The following IL1RAPL2 variants were observed in gnomAD, a reference collection of about 807,000 sequenced individuals.
The protein encoded by IL1RAPL2 is X-linked interleukin-1 receptor accessory protein-like 2.
In IL1RAPL2, 3 loss-of-function variants were observed where a neutral mutation model predicts 44.1. That is an observed-to-expected ratio of 0.07 (90% CI 0.03 to 0.18). IL1RAPL2 has a LOEUF of 0.18. IL1RAPL2 is among the 10% of genes least tolerant of loss of function. The pLI, the probability that IL1RAPL2 is intolerant of heterozygous loss-of-function variation, is 1.00. For missense variants in IL1RAPL2, 391 were observed against 496.4 expected (o/e 0.79, Z 2.02); for synonymous variants, 181 against 178.8 (o/e 1.01, Z -0.10).
chrX:104,572,435 C>T (rs1182816602), intron 1 of IL1RAPL2, among the ~76,000 whole-genome samples: 1 of 111,940 alleles, frequency 8.9e-6, no homozygotes, highest in Non-Finnish European at 1.9e-5. Context: ...ATCTTTTGTG[C>T]CCTTGCTTAT....
chrX:104,641,849 C>A (rs965416305), intron 1 of IL1RAPL2, among the ~76,000 whole-genome samples: 4 of 111,633 alleles, frequency 3.6e-5, no homozygotes, highest in Non-Finnish European at 7.5e-5. Context: ...TGCTGTTGGG[C>A]TCCAGGACTG....
chrX:104,935,163 C>G (rs1183931507), intron 2 of IL1RAPL2, among the ~76,000 whole-genome samples: 1 of 112,244 alleles, frequency 8.9e-6, no homozygotes. Context: ...ATGTTTGATG[C>G]TCCAACAAAT....
At chrX:104,845,220 T>C (rs2147637868) in intron 2 of IL1RAPL2, among the ~76,000 whole-genome samples, 1 of 111,938 alleles carries the variant, frequency 8.9e-6, no homozygotes, top group East Asian at 2.8e-4. Context: ...CAAAGTTTGT[T>C]TTGGCTACCT....
chrX:105,534,558 C>T (rs986319610), intron 6 of IL1RAPL2, among the ~76,000 whole-genome samples: 1 of 110,650 alleles, frequency 9.0e-6, no homozygotes, highest in East Asian at 2.8e-4. Flanking sequence ...AAAAAATACC[C>T]AAAATTTTTG....
chrX:105,632,778 T>G (rs1202636941), intron 6 of IL1RAPL2, among the ~76,000 whole-genome samples: 1 of 111,451 alleles, frequency 9.0e-6, no homozygotes, highest in African/African-American at 3.3e-5. Flanking sequence ...ATTGGGGAAT[T>G]GACTCCAAAT....
intron 2 of IL1RAPL2, among the ~76,000 whole-genome samples, chrX:104,923,071 G>T (rs749623007): frequency 9.0e-6 from 1 of 111,594 alleles, no homozygotes; most frequent in African/African-American, 3.3e-5. Context: ...CAAGCTTGAA[G>T]CCCAGTCTTT....
At chrX:105,267,270 T>TAC (rs2034410166) in intron 4 of IL1RAPL2, 118 bp from the exon 5 acceptor site, 1 of 619,805 alleles carries the variant, frequency 1.6e-6, no homozygotes. Context: ...ACTCCTTAGT[T>TAC]ACATATTTTG....
chrX:105,297,376 C>T (rs1379148785), intron 5 of IL1RAPL2, among the ~76,000 whole-genome samples: 6 of 111,695 alleles, frequency 5.4e-5, no homozygotes, highest in Non-Finnish European at 7.5e-5. Context: ...AGATTTTAAG[C>T]GGGGTGTTTT....
chrX:104,967,918 A>G, intron 2 of IL1RAPL2, among the ~76,000 whole-genome samples: 1 of 111,151 alleles, frequency 9.0e-6, no homozygotes, highest in Admixed American at 9.5e-5. Flanking sequence ...AAAAAGAACA[A>G]AAAAAGGACC....
intron 2 of IL1RAPL2, among the ~76,000 whole-genome samples, chrX:105,007,754 A>G (rs963191166): frequency 4.0e-5 from 4 of 100,388 alleles, no homozygotes; most frequent in Non-Finnish European, 8.2e-5. Context: ...GTACTTTTTA[A>G]TAAGGGCAAT....
At position 104,881,683 on chromosome X, in the gene IL1RAPL2, G is replaced by C. The variant is rs1174072991; in HGVS notation, c.82+222688G>C. Among the ~76,000 whole-genome samples, 3 of 111,795 alleles carry C rather than the reference G, an allele frequency of 2.7e-5. No individual in the cohort carries two copies. In the East Asian group the frequency reaches 8.4e-4, roughly 31 times the overall value. On this transcript the variant is annotated intron_variant, in intron 2 of 10. Transcript: ENST00000372582. ...GTTTTCCTGAATATAAACTCTAAGA[G>C]GCTGAAACCAAATAGTTAAAGTATC...
chrX:104,632,129 T>C (rs1237191241), intron 1 of IL1RAPL2, among the ~76,000 whole-genome samples: 3 of 111,483 alleles, frequency 2.7e-5, no homozygotes, highest in Non-Finnish European at 5.6e-5. Flanking sequence ...TTTTGTCAGG[T>C]TTGTCAAAGA....
intron 5 of IL1RAPL2, among the ~76,000 whole-genome samples, chrX:105,484,058 C>T (rs751682394): frequency 9.0e-6 from 1 of 111,274 alleles, no homozygotes; most frequent in Admixed American, 9.6e-5. Context: ...CCAAAATAGT[C>T]CATTTGTTTC....
intron 2 of IL1RAPL2, among the ~76,000 whole-genome samples, chrX:105,124,683 A>T (rs1473824748): frequency 9.1e-6 from 1 of 110,097 alleles, no homozygotes; most frequent in Non-Finnish European, 1.9e-5. Context: ...GAGATCCTAG[A>T]CTAACACATT....
Position 105,449,509 on chromosome X carries a change from G to A in IL1RAPL2, c.698-34804G>A, listed in dbSNP as rs747761797. On this transcript the variant is annotated intron_variant, in intron 5 of 10. Coordinates refer to ENST00000372582, the MANE Select transcript of IL1RAPL2 (RefSeq NM_017416.2). ...TGAGGCAGGAGAATGGCGTGAACCC[G>A]GGAGGCGGAGCTTGCAGTGAGCCGA... 5.4e-3 allele frequency among the ~76,000 whole-genome samples: 597 copies of A among 109,764 alleles called. 3 individuals are homozygous for A. The highest frequency in any genetic ancestry group is 9.4e-3 in the Non-Finnish European group (493 of 52,539).
chrX:105,510,014 A>T (rs376987195), intron 6 of IL1RAPL2, among the ~76,000 whole-genome samples: 13 of 110,022 alleles, frequency 1.2e-4, no homozygotes, highest in Non-Finnish European at 1.7e-4. Context: ...TCTACAAAAA[A>T]AAATAAATAA....
chrX:105,282,955 T>A (rs6621956), intron 5 of IL1RAPL2, among the ~76,000 whole-genome samples: 7,734 of 111,678 alleles, frequency 0.069, 640 homozygotes, highest in African/African-American at 0.24. Context: ...ATTTTTTGAT[T>A]TTGTTATCCT....
intron 6 of IL1RAPL2, among the ~76,000 whole-genome samples, chrX:105,591,362 A>C (rs958612688): frequency 2.7e-5 from 3 of 109,732 alleles, no homozygotes; most frequent in Non-Finnish European, 5.7e-5. Context: ...TTTTTTGAAG[A>C]GCCTACTTCT....
At chrX:104,583,526 C>T (rs867745831) in intron 1 of IL1RAPL2, among the ~76,000 whole-genome samples, 2 of 112,113 alleles carry the variant, frequency 1.8e-5, no homozygotes, top group African/African-American at 3.2e-5. Context: ...TAGCTCCCTT[C>T]GCTCTGGCAT....
Sources: gnomAD v4.1 joint callset for allele counts (sites outside exome capture counted in the v4.1 genomes callset) on GRCh38, gnomAD v4.1.1 for gene constraint, MANE v1.5 for transcripts, NCBI Gene and HGNC (gene_info 2026-07-23, HGNC 2026-07-21) for gene names.